Variants in ULK2 observed in about 807,000 individuals in gnomAD.
ULK2 encodes the protein serine/threonine-protein kinase ULK2.
ULK2 carries 76 observed loss-of-function variants against 127.5 expected under a neutral mutation model. That is an observed-to-expected ratio of 0.60 (90% CI 0.50 to 0.72). The LOEUF (loss-of-function observed/expected upper bound fraction) is 0.72. Ranked by LOEUF, ULK2 falls within the 30% of genes least tolerant of loss-of-function variation. ULK2 has a pLI of 0.00. For missense variants in ULK2, 1,144 were observed against 1,295.9 expected (o/e 0.88, Z 1.80); for synonymous variants, 452 against 461.9 (o/e 0.98, Z 0.28).
chr17:19,806,203 C>T (rs1259395783), intron 14 of ULK2, among the ~76,000 whole-genome samples: 1 of 152,120 alleles, frequency 6.6e-6, no homozygotes, highest in Non-Finnish European at 1.5e-5. Flanking sequence ...AACAGAATAA[C>T]CAACACAGTC....
intron 3 of ULK2, among the ~76,000 whole-genome samples, chr17:19,850,782 C>T (rs1387539684): frequency 1.3e-5 from 2 of 151,760 alleles, no homozygotes; most frequent in Non-Finnish European, 2.9e-5. Flanking sequence ...CCGAGATCAT[C>T]GAGATCATGC....
intron 12 of ULK2, 42 bp downstream of exon 12, chr17:19,825,052 T>C (rs1403341571): frequency 1.9e-6 from 3 of 1,545,224 alleles, no homozygotes; most frequent in African/African-American, 1.4e-5. Context: ...AAAGATGTAA[T>C]AGCACTAACT....
chr17:19,795,553 A>C (rs2152385114), intron 20 of ULK2, 69 bp downstream of exon 20: 1 of 1,255,852 alleles, frequency 8.0e-7, no homozygotes, highest in African/African-American at 1.5e-5. Flanking sequence ...GATTTGTTAC[A>C]ACAGCAGTAA....
At position 19,786,104 on chromosome 17, in the gene ULK2, T is replaced by C. The variant is rs201605111; in HGVS notation, c.2102-18A>G. 442 of 1,558,016 alleles carry C rather than the reference T, an allele frequency of 2.8e-4. No individual in the cohort carries two copies. Among genetic ancestry groups the C allele is most frequent in the Non-Finnish European group, 3.4e-4 (398 of 1,160,798 alleles). On this transcript the variant is annotated intron_variant, in intron 20 of 26. Transcript: ENST00000395544. ...TGCCGGAGCTACAACAAAAAGTTTA[T>C]AGAAGGTCATATTACCCTGATAGTG...
At chr17:19,784,008 G>A in intron 21 of ULK2, 103 bp from the exon 22 acceptor site, 1 of 1,100,506 alleles carries the variant, frequency 9.1e-7, no homozygotes, top group Non-Finnish European at 1.2e-6. Context: ...ACAAAGGAAA[G>A]TTTCGTTAAA....
At chr17:19,823,124 C>CTTTTTTTTTT (rs1407810407) in intron 12 of ULK2, among the ~76,000 whole-genome samples, 1 of 11,924 alleles carries the variant, frequency 8.4e-5, no homozygotes, top group African/African-American at 4.2e-4. Flanking sequence ...GCACGCCTGG[C>CTTTTTTTTTT]TATTTTTTTT....
chr17:19,822,348 C>CTTATTTTATTTT (rs1405587402), intron 12 of ULK2, among the ~76,000 whole-genome samples: 14 of 151,838 alleles, frequency 9.2e-5, no homozygotes, highest in African/African-American at 3.4e-4. Context: ...ATGCCAGTGA[C>CTTATTTTATTTT]TTATTTTATT....
chr17:19,866,510 A>T (rs960261488), intron 1 of ULK2, among the ~76,000 whole-genome samples: 1 of 152,022 alleles, frequency 6.6e-6, no homozygotes, highest in African/African-American at 2.4e-5. Flanking sequence ...TCTGTCTCAA[A>T]AATAAATAAA....
rs771873615 is a variant in ULK2 at position 19,810,369 on chromosome 17, T to C, written c.1157+9A>G. The C allele has an allele frequency of 1.3e-6, 2 of 1,574,404 alleles. No individual in the cohort carries two copies. Among genetic ancestry groups the C allele is most frequent in the Non-Finnish European group, 8.7e-7 (1 of 1,151,664 alleles). On this transcript the variant is annotated intron_variant, in intron 14 of 26. Transcript: ENST00000395544. ...ACAAATTTTAATAAGATAATGTAAA[T>C]ATACATACCCTCCACACACCAAGAA...
intron 9 of ULK2, 46 bp from the exon 10 acceptor site, chr17:19,838,629 A>G: frequency 6.6e-7 from 1 of 1,521,658 alleles, no homozygotes; most frequent in South Asian, 1.2e-5. Flanking sequence ...AAGTTTATAT[A>G]CATAAACATT....
At chr17:19,846,149 C>T (rs887325358) in intron 6 of ULK2, among the ~76,000 whole-genome samples, 1 of 151,674 alleles carries the variant, frequency 6.6e-6, no homozygotes, top group Admixed American at 6.6e-5. Flanking sequence ...AAAAAAGAAT[C>T]AGAGTTATTA....
intron 12 of ULK2, among the ~76,000 whole-genome samples, 161 bp from the exon 13 acceptor site, chr17:19,817,081 G>A (rs957891036): frequency 1.4e-4 from 21 of 151,920 alleles, no homozygotes; most frequent in Admixed American, 7.9e-4. Flanking sequence ...CTTTCCTTTA[G>A]AAAACCTTTC....
intron 14 of ULK2, among the ~76,000 whole-genome samples, chr17:19,808,044 T>C (rs1289900937): frequency 6.6e-6 from 1 of 152,206 alleles, no homozygotes; most frequent in East Asian, 1.9e-4. Context: ...AGGCGGAGGC[T>C]GCAGCAAGCC....
chr17:19,798,482 A>G (rs974966073), intron 17 of ULK2, among the ~76,000 whole-genome samples: 2 of 152,240 alleles, frequency 1.3e-5, no homozygotes, highest in African/African-American at 4.8e-5. Flanking sequence ...TAGCAAGAAT[A>G]ATATAAAGGG....
intron 7 of ULK2, among the ~76,000 whole-genome samples, chr17:19,844,813 T>C (rs182532928): frequency 1.3e-5 from 2 of 152,254 alleles, no homozygotes; most frequent in African/African-American, 4.8e-5. Flanking sequence ...AGCCTAACCC[T>C]ATAATACATG....
intron 10 of ULK2, among the ~76,000 whole-genome samples, chr17:19,837,881 C>T (rs554123547): frequency 2.6e-5 from 4 of 152,316 alleles, no homozygotes; most frequent in African/African-American, 9.6e-5. Flanking sequence ...TCTCAAGCAG[C>T]AGCCAGCTTG....
At chr17:19,780,177 A>AAAAAAAAAAAG (rs1597702641) in intron 25 of ULK2, among the ~76,000 whole-genome samples, 1 of 151,902 alleles carries the variant, frequency 6.6e-6, no homozygotes, top group African/African-American at 2.4e-5. Flanking sequence ...GTCTCAAGAA[A>AAAAAAAAAAAG]AAAAAAAAAA....
At chr17:19,812,839 C>CT (rs1486755428) in intron 13 of ULK2, among the ~76,000 whole-genome samples, 3 of 152,076 alleles carry the variant, frequency 2.0e-5, no homozygotes, top group African/African-American at 7.2e-5. Flanking sequence ...ATATAGAATT[C>CT]TTTTTAAAAG....
intron 20 of ULK2, among the ~76,000 whole-genome samples, chr17:19,793,479 A>G (rs1408393147): frequency 6.6e-6 from 1 of 152,228 alleles, no homozygotes; most frequent in Non-Finnish European, 1.5e-5. Context: ...TCCCTTCACC[A>G]CATCATCCAT....
Sources: allele counts gnomAD v4.1 joint callset (sites outside exome capture counted in the v4.1 genomes callset), GRCh38; gene constraint gnomAD v4.1.1; transcripts MANE v1.5; gene names NCBI Gene and HGNC (gene_info 2026-07-23, HGNC 2026-07-21).